The following SLC9A9 variants were observed in gnomAD, a reference collection of about 807,000 sequenced individuals.
The protein encoded by SLC9A9 is solute carrier family 9 member A9, also known as sodium/hydrogen exchanger 9.
SLC9A9 carries 62 observed loss-of-function variants against 77.8 expected under a neutral mutation model. That is an observed-to-expected ratio of 0.80 (90% CI 0.65 to 0.98). The LOEUF (loss-of-function observed/expected upper bound fraction) is 0.98. SLC9A9 is among the 50% of genes least tolerant of loss of function. The pLI is 0.00. For synonymous variants in SLC9A9, 320 were observed against 283.5 expected (o/e 1.13, Z -1.29); for missense variants, 775 against 774.9 (o/e 1.00, Z 0.00).
chr3:143,495,005 T>C (rs560295697), intron 10 of SLC9A9, among the ~76,000 whole-genome samples: 1 of 152,334 alleles, frequency 6.6e-6, no homozygotes, highest in East Asian at 1.9e-4. Context: ...TGTTTCTCTA[T>C]AAAGAATACA....
intron 4 of SLC9A9, among the ~76,000 whole-genome samples, chr3:143,762,134 T>G (rs2108832980): frequency 6.6e-6 from 1 of 152,006 alleles, no homozygotes; most frequent in South Asian, 2.1e-4. Flanking sequence ...AGGTGGGAAT[T>G]GAACAATGAG....
intron 13 of SLC9A9, among the ~76,000 whole-genome samples, chr3:143,369,224 T>C (rs1209429472): frequency 6.6e-6 from 1 of 152,212 alleles, no homozygotes; most frequent in Non-Finnish European, 1.5e-5. Flanking sequence ...CAGGAAAATA[T>C]AATATGATAA....
chr3:143,734,216 GAA>G (rs572500706), intron 4 of SLC9A9, among the ~76,000 whole-genome samples: 1 of 141,184 alleles, frequency 7.1e-6, no homozygotes, highest in Non-Finnish European at 1.6e-5. Flanking sequence ...AATAATAAAA[GAA>G]AAAAAAAAAG....
chr3:143,461,187 T>C (rs1396512778), intron 12 of SLC9A9, among the ~76,000 whole-genome samples: 1 of 152,190 alleles, frequency 6.6e-6, no homozygotes, highest in Non-Finnish European at 1.5e-5. Context: ...AGAAGCATGT[T>C]TTAGAAAGAA....
intron 12 of SLC9A9, among the ~76,000 whole-genome samples, chr3:143,385,381 C>A (rs1003591611): frequency 2.6e-5 from 4 of 152,096 alleles, no homozygotes; most frequent in African/African-American, 9.7e-5. Context: ...CCCTTCAGAC[C>A]AACTCCCATT....
At chr3:143,709,177 T>C (rs766503825) in intron 4 of SLC9A9, among the ~76,000 whole-genome samples, 32 of 152,332 alleles carry the variant, frequency 2.1e-4, no homozygotes, top group Non-Finnish European at 4.1e-4. Context: ...TTGTATAATT[T>C]AGTGATCTCA....
At chr3:143,436,192 C>T (rs2034618881) in intron 12 of SLC9A9, among the ~76,000 whole-genome samples, 1 of 152,150 alleles carries the variant, frequency 6.6e-6, no homozygotes, top group Admixed American at 6.5e-5. Flanking sequence ...CTTGAACCTC[C>T]ACGAGACTTC....
chr3:143,327,549 C>G (rs2031642123), intron 14 of SLC9A9, among the ~76,000 whole-genome samples: 1 of 152,134 alleles, frequency 6.6e-6, no homozygotes, highest in Non-Finnish European at 1.5e-5. Context: ...TTTCCTGTTT[C>G]CTGTCATGTG....
chr3:143,649,198 G>A (rs973750851), intron 6 of SLC9A9, among the ~76,000 whole-genome samples: 1 of 152,124 alleles, frequency 6.6e-6, no homozygotes, highest in African/African-American at 2.4e-5. Context: ...CACACTCCTT[G>A]AGATCTCTTC....
intron 13 of SLC9A9, chr3:143,372,041 AC>A (rs1375168067): frequency 2.5e-6 from 1 of 401,296 alleles, no homozygotes; most frequent in African/African-American, 2.1e-5. Context: ...GAGTAGAACT[AC>A]AAAAACACTG....
chr3:143,495,881 T>C (rs918789222), intron 9 of SLC9A9, among the ~76,000 whole-genome samples: 2 of 152,194 alleles, frequency 1.3e-5, no homozygotes, highest in African/African-American at 4.8e-5. Context: ...CTGTTTTTTT[T>C]AAGCTTAAAC....
chr3:143,374,422 C>CAAAAAAAAAAAAAAAA (rs34787603), intron 13 of SLC9A9, among the ~76,000 whole-genome samples: 1 of 67,452 alleles, frequency 1.5e-5, no homozygotes, highest in Non-Finnish European at 2.7e-5. Flanking sequence ...GACTCTGTCT[C>CAAAAAAAAAAAAAAAA]AAAAAAAAAA....
intron 9 of SLC9A9, among the ~76,000 whole-genome samples, chr3:143,508,640 C>A (rs1229009085): frequency 6.6e-6 from 1 of 152,138 alleles, no homozygotes; most frequent in African/African-American, 2.4e-5. Context: ...TGTAATGGTA[C>A]AACAGTAATC....
intron 5 of SLC9A9, among the ~76,000 whole-genome samples, chr3:143,688,781 C>T (rs1345954376): frequency 6.6e-6 from 1 of 152,002 alleles, no homozygotes; most frequent in Non-Finnish European, 1.5e-5. Flanking sequence ...CAATCAACCT[C>T]TCATACCATA....
chr3:143,728,147 C>G (rs767769494), intron 4 of SLC9A9, among the ~76,000 whole-genome samples: 1 of 152,126 alleles, frequency 6.6e-6, no homozygotes, highest in Non-Finnish European at 1.5e-5. Flanking sequence ...GTGAGGCACT[C>G]GAGGCTGAGT....
chr3:143,500,265 T>C (rs2035903657), intron 9 of SLC9A9, among the ~76,000 whole-genome samples: 1 of 152,228 alleles, frequency 6.6e-6, no homozygotes, highest in African/African-American at 2.4e-5. Flanking sequence ...TTTTTTGGCA[T>C]ACAGTTGTTC....
In SLC9A9 at chr3:143,552,421, T is replaced by A. The variant is rs779247398; in HGVS notation, c.1030A>T (p.Thr344Ser). Residue 344 changes from threonine to serine, a missense_variant, in exon 9 of 16, where the codon ACA becomes TCA. Coordinates refer to ENST00000316549, the MANE Select transcript of SLC9A9 (RefSeq NM_173653.4). ...GIVAVLFCGV[T>S]QAHYTYNNLS... ...TTGTTGTAGGTATAATGTGCTTGTG[T>A]GACTCCACAGAAGAGAACAGCAACT... 3 of 1,613,220 alleles carry A rather than the reference T, an allele frequency of 1.9e-6. No homozygotes were observed. In the Admixed American group the frequency reaches 5.0e-5, roughly 27 times the overall value.
At chr3:143,722,844 A>G (rs1934539646) in intron 4 of SLC9A9, among the ~76,000 whole-genome samples, 1 of 152,146 alleles carries the variant, frequency 6.6e-6, no homozygotes, top group South Asian at 2.1e-4. Context: ...GATAATTCCT[A>G]TTTTAATATT....
At chr3:143,536,923 G>A (rs1468385864) in intron 9 of SLC9A9, among the ~76,000 whole-genome samples, 1 of 152,132 alleles carries the variant, frequency 6.6e-6, no homozygotes, top group Non-Finnish European at 1.5e-5. Flanking sequence ...CTGGGAAGCT[G>A]GAAACAATCC....
Sources: allele counts gnomAD v4.1 joint callset (sites outside exome capture counted in the v4.1 genomes callset), GRCh38; gene constraint gnomAD v4.1.1; transcripts MANE v1.5; gene names NCBI Gene and HGNC (gene_info 2026-07-23, HGNC 2026-07-21).